AGBL4: variants seen among roughly 807,000 people sequenced by gnomAD.
AGBL4 encodes the protein cytosolic carboxypeptidase 6.
In AGBL4, 58 loss-of-function variants were observed where a neutral mutation model predicts 66.4. The ratio of observed to expected loss-of-function variants is 0.87; its 90% confidence interval spans 0.71 to 1.09. AGBL4 has a LOEUF of 1.09. Among genes scored for constraint, AGBL4 ranks in the 50% least tolerant of loss-of-function variants. The pLI, the probability that AGBL4 is intolerant of heterozygous loss-of-function variation, is 0.00. For missense variants in AGBL4, 579 were observed against 631.0 expected, an observed-to-expected ratio of 0.92 and a Z score of 0.88; for synonymous variants, 234 against 222.9, an observed-to-expected ratio of 1.05 and a Z score of -0.44.
intron 2 of AGBL4, among the ~76,000 whole-genome samples, chr1:49,744,125 A>G (rs1650795397): frequency 6.6e-6 from 1 of 152,204 alleles, no homozygotes; most frequent in Non-Finnish European, 1.5e-5. Flanking sequence ...TTGGCTCTGT[A>G]TCACCACCAA....
intron 1 of AGBL4, among the ~76,000 whole-genome samples, chr1:49,967,710 G>GT (rs1337152589): frequency 1.3e-5 from 2 of 152,080 alleles, no homozygotes; most frequent in East Asian, 3.9e-4. Context: ...CCAGAAATAT[G>GT]TAAGACTATC....
chr1:48,718,923 T>C (rs1353434214), intron 6 of AGBL4, among the ~76,000 whole-genome samples: 1 of 152,212 alleles, frequency 6.6e-6, no homozygotes, highest in Non-Finnish European at 1.5e-5. Context: ...ACTACATACC[T>C]GCCGTGGGAT....
intron 2 of AGBL4, chr1:49,845,612 A>G: frequency 6.2e-7 from 1 of 1,607,994 alleles, no homozygotes; most frequent in Non-Finnish European, 8.5e-7. Context: ...GCCTTCACCC[A>G]GATCACACCA....
intron 3 of AGBL4, among the ~76,000 whole-genome samples, chr1:49,344,287 T>G (rs1277721452): frequency 6.6e-6 from 1 of 151,906 alleles, no homozygotes; most frequent in East Asian, 1.9e-4. Flanking sequence ...AATGTGCACA[T>G]GTACCCTAAA....
intron 2 of AGBL4, among the ~76,000 whole-genome samples, chr1:49,778,566 C>T (rs1053192736): frequency 3.3e-5 from 5 of 152,156 alleles, no homozygotes; most frequent in South Asian, 4.1e-4. Context: ...AGAAGAAATA[C>T]GTGGAATGCA....
chr1:48,546,366 G>A (rs1237557680), intron 11 of AGBL4, among the ~76,000 whole-genome samples: 1 of 152,228 alleles, frequency 6.6e-6, no homozygotes, highest in Admixed American at 6.5e-5. Context: ...TGGATGTGTG[G>A]AAGGAGATTG....
At chr1:48,865,254 A>C (rs989210864) in intron 6 of AGBL4, among the ~76,000 whole-genome samples, 1 of 152,176 alleles carries the variant, frequency 6.6e-6, no homozygotes, top group African/African-American at 2.4e-5. Flanking sequence ...AGAGTCATCC[A>C]GATAATAGCA....
intron 6 of AGBL4, among the ~76,000 whole-genome samples, chr1:48,798,284 A>G (rs902939691): frequency 1.3e-5 from 2 of 152,086 alleles, no homozygotes; most frequent in Non-Finnish European, 2.9e-5. Context: ...TCTTTTGAGA[A>G]TTGTCTATTC....
chr1:48,783,957 C>T (rs1645355030), intron 6 of AGBL4, among the ~76,000 whole-genome samples: 1 of 152,096 alleles, frequency 6.6e-6, no homozygotes. Context: ...AGTCACTTAG[C>T]ATCTCTGAGT....
At chr1:48,592,000 G>A (rs2148349616) in intron 9 of AGBL4, among the ~76,000 whole-genome samples, 1 of 152,356 alleles carries the variant, frequency 6.6e-6, no homozygotes, top group African/African-American at 2.4e-5. Context: ...GACTGAAACA[G>A]AGGGTGTCAG....
intron 6 of AGBL4, among the ~76,000 whole-genome samples, chr1:48,815,048 T>A (rs1272761471): frequency 6.6e-6 from 1 of 152,212 alleles, no homozygotes; most frequent in Non-Finnish European, 1.5e-5. Flanking sequence ...TTTCTCCACA[T>A]CCTTTCCAGC....
intron 1 of AGBL4, among the ~76,000 whole-genome samples, chr1:49,960,173 T>A (rs1003524119): frequency 1.3e-5 from 2 of 152,002 alleles, no homozygotes; most frequent in African/African-American, 2.4e-5. Context: ...CTAAAATAAA[T>A]TTTTTAAAGT....
intron 6 of AGBL4, among the ~76,000 whole-genome samples, chr1:48,812,022 C>T (rs1646063574): frequency 6.6e-6 from 1 of 152,116 alleles, no homozygotes; most frequent in African/African-American, 2.4e-5. Context: ...AAGGTCCATC[C>T]AGAAGTCAGG....
intron 2 of AGBL4, among the ~76,000 whole-genome samples, chr1:49,743,664 C>A (rs1000698446): frequency 6.6e-6 from 1 of 151,978 alleles, no homozygotes. Context: ...AAATGTCCAA[C>A]AATGATAGAC....
chr1:49,704,074 G>A (rs1197706540), intron 2 of AGBL4, among the ~76,000 whole-genome samples: 4 of 152,082 alleles, frequency 2.6e-5, no homozygotes, highest in African/African-American at 7.2e-5. Flanking sequence ...GAGAGAATTT[G>A]AAGAATACCT....
intron 3 of AGBL4, among the ~76,000 whole-genome samples, chr1:49,272,934 T>C (rs1414509873): frequency 6.6e-6 from 1 of 152,210 alleles, no homozygotes; most frequent in East Asian, 1.9e-4. Flanking sequence ...GAATTTAGTT[T>C]ACACATTTTT....
intron 4 of AGBL4, among the ~76,000 whole-genome samples, chr1:49,199,498 T>G (rs1408069207): frequency 6.6e-6 from 1 of 152,208 alleles, no homozygotes; most frequent in East Asian, 1.9e-4. Context: ...GGCATCTGTA[T>G]GTGCCTTTCT....
intron 3 of AGBL4, among the ~76,000 whole-genome samples, chr1:49,401,070 T>C (rs534374330): frequency 4.6e-5 from 7 of 152,310 alleles, no homozygotes; most frequent in African/African-American, 1.7e-4. Flanking sequence ...TAGTCCATCC[T>C]CGCATTGCTA....
chr1:49,892,847 TTCTTTACCTC>T (rs918612450), intron 1 of AGBL4, among the ~76,000 whole-genome samples: 7 of 152,200 alleles, frequency 4.6e-5, no homozygotes, highest in African/African-American at 1.7e-4. Context: ...TTCTCCTTTC[TTCTTTACCTC>T]TTATTTCCAG....
Sources: allele counts gnomAD v4.1 joint callset (sites outside exome capture counted in the v4.1 genomes callset), GRCh38; gene constraint gnomAD v4.1.1; transcripts MANE v1.5; gene names NCBI Gene and HGNC (gene_info 2026-07-23, HGNC 2026-07-21).